FAM151B: variants seen among roughly 807,000 people sequenced by gnomAD.
The protein encoded by FAM151B is protein FAM151B.
A neutral mutation model predicts 31.2 loss-of-function variants in FAM151B; 24 were observed. The observed-to-expected ratio is 0.77, with a 90% CI of 0.56 to 1.08. FAM151B has a LOEUF of 1.08. FAM151B is among the 50% of genes least tolerant of loss of function. The pLI is 0.00. For synonymous variants in FAM151B, 105 were observed against 111.4 expected, an observed-to-expected ratio of 0.94 and a Z score of 0.36; for missense variants, 293 against 328.6, an observed-to-expected ratio of 0.89 and a Z score of 0.84.
chr5:80,536,269 C>T (rs1745511881), intron 5 of FAM151B, among the ~76,000 whole-genome samples: 1 of 152,100 alleles, frequency 6.6e-6, no homozygotes, highest in Admixed American at 6.6e-5. Context: ...CTCCCAGGTT[C>T]AAGCGATTCT....
intron 5 of FAM151B, among the ~76,000 whole-genome samples, chr5:80,538,475 TTTCTTTCTTTCC>T (rs1327806472): frequency 1.9e-5 from 2 of 103,828 alleles, no homozygotes; most frequent in African/African-American, 3.5e-5. Flanking sequence ...TCTTTCTTTC[TTTCTTTCTTTCC>T]TTCCTTCCTT....
chr5:80,521,758 A>G (rs1329705367), intron 4 of FAM151B, among the ~76,000 whole-genome samples: 2 of 152,126 alleles, frequency 1.3e-5, no homozygotes, highest in East Asian at 3.9e-4. Context: ...AAACCTTTTT[A>G]GTGCCTTAAT....
intron 2 of FAM151B, among the ~76,000 whole-genome samples, chr5:80,504,736 T>G (rs1420611911): frequency 1.3e-5 from 2 of 152,036 alleles, no homozygotes; most frequent in African/African-American, 2.4e-5. Context: ...GCTAGGATGG[T>G]CTCCATCTCC....
chr5:80,503,235 T>C (rs1219097229), intron 2 of FAM151B, among the ~76,000 whole-genome samples: 4 of 152,176 alleles, frequency 2.6e-5, no homozygotes, highest in Non-Finnish European at 4.4e-5. Context: ...CAAAAAAGAT[T>C]CTATAGATAA....
chr5:80,506,627 T>A (rs1362260917), intron 2 of FAM151B, among the ~76,000 whole-genome samples: 3 of 152,192 alleles, frequency 2.0e-5, no homozygotes, highest in African/African-American at 4.8e-5. Context: ...GCATCCAAAG[T>A]GGTATATTTA....
intron 3 of FAM151B, chr5:80,518,823 C>G (rs775569880): frequency 1.3e-5 from 2 of 152,060 alleles, no homozygotes; most frequent in Admixed American, 6.6e-5. Flanking sequence ...GAAGTACTGC[C>G]GTCTCTTAGG....
At chr5:80,534,788 C>T (rs890947063) in intron 5 of FAM151B, among the ~76,000 whole-genome samples, 1 of 152,082 alleles carries the variant, frequency 6.6e-6, no homozygotes, top group African/African-American at 2.4e-5. Flanking sequence ...ATATAAAGGA[C>T]ATCCAAATTG....
Position 80,531,593 on chromosome 5 carries a change from C to A in FAM151B, c.671+9455C>A, listed in dbSNP as rs529928970. ...GTGGGCGAAGGATATGAACAGACAC[C>A]TCTCAGAAGCAGACATTTATGCAGC... On this transcript the variant is annotated intron_variant, in intron 5 of 5. Coordinates refer to ENST00000282226, the MANE Select transcript of FAM151B (RefSeq NM_205548.3). Among the ~76,000 whole-genome samples, 13 of 152,174 alleles carry A rather than the reference C, an allele frequency of 8.5e-5. No individual in the cohort carries two copies. The South Asian group carries it at 2.7e-3, about 32-fold the overall frequency.
intron 5 of FAM151B, among the ~76,000 whole-genome samples, chr5:80,530,208 A>G (rs2112661613): frequency 6.6e-6 from 1 of 152,164 alleles, no homozygotes; most frequent in South Asian, 2.1e-4. Flanking sequence ...AAAACTCTCA[A>G]TAAACTAGGT....
chr5:80,514,400 G>A (rs1409817650), intron 3 of FAM151B, among the ~76,000 whole-genome samples: 6 of 151,410 alleles, frequency 4.0e-5, no homozygotes, highest in African/African-American at 9.7e-5. Flanking sequence ...GCTTGAACCT[G>A]GGAGGCGGAG....
intron 2 of FAM151B, among the ~76,000 whole-genome samples, chr5:80,513,385 G>A (rs1010961379): frequency 6.6e-6 from 1 of 152,288 alleles, no homozygotes; most frequent in African/African-American, 2.4e-5. Context: ...GTGTAACTTA[G>A]GGAAAGTCAT....
At chr5:80,510,901 G>A (rs556866479) in intron 2 of FAM151B, 3 of 152,218 alleles carry the variant, frequency 2.0e-5, no homozygotes, top group Non-Finnish European at 4.4e-5. Context: ...TGACTGGTTT[G>A]AAGATAATGA....
intron 2 of FAM151B, among the ~76,000 whole-genome samples, chr5:80,505,723 G>GTCCCC (rs538056813): frequency 8.4e-4 from 118 of 140,400 alleles, no homozygotes; most frequent in South Asian, 6.9e-3. Context: ...TACATCACCA[G>GTCCCC]TCCCCTTTTC....
At chr5:80,489,885 C>T (rs963438740) in intron 1 of FAM151B, among the ~76,000 whole-genome samples, 14 of 152,076 alleles carry the variant, frequency 9.2e-5, no homozygotes, top group African/African-American at 2.7e-4. Flanking sequence ...GATTGCGCCA[C>T]TGCACTCCAG....
chr5:80,533,234 G>C (rs183752470), intron 5 of FAM151B, among the ~76,000 whole-genome samples: 6 of 151,862 alleles, frequency 4.0e-5, no homozygotes, highest in Non-Finnish European at 5.9e-5. Flanking sequence ...AAAAATAGCC[G>C]GGCGTGGTGG....
intron 2 of FAM151B, chr5:80,506,211 A>G: frequency 1.5e-6 from 1 of 665,698 alleles, no homozygotes; most frequent in Non-Finnish European, 1.9e-6. Flanking sequence ...CAAGTGATCA[A>G]ACTGGGCTCA....
chr5:80,538,483 T>TTTCTTTCTTTCTTTCTTTCTTTCC (rs1554059092), intron 5 of FAM151B, among the ~76,000 whole-genome samples: 5 of 101,104 alleles, frequency 4.9e-5, no homozygotes, highest in African/African-American at 2.0e-4. Context: ...TCTTTCTTTC[T>TTTCTTTCTTTCTTTCTTTCTTTCC]TTCCTTCCTT....
At chr5:80,533,985 T>C (rs1260456495) in intron 5 of FAM151B, among the ~76,000 whole-genome samples, 2 of 152,098 alleles carry the variant, frequency 1.3e-5, no homozygotes, top group Non-Finnish European at 2.9e-5. Flanking sequence ...AGCAACTATA[T>C]GCCAATAAAC....
At chr5:80,537,581 A>T (rs186012556) in intron 5 of FAM151B, among the ~76,000 whole-genome samples, 1 of 152,312 alleles carries the variant, frequency 6.6e-6, no homozygotes, top group African/African-American at 2.4e-5. Flanking sequence ...GACAAGGGAT[A>T]AAAACTCCTA....
Sources: gnomAD v4.1 joint callset for allele counts (sites outside exome capture counted in the v4.1 genomes callset) on GRCh38, gnomAD v4.1.1 for gene constraint, MANE v1.5 for transcripts, NCBI Gene and HGNC (gene_info 2026-07-23, HGNC 2026-07-21) for gene names.